SLC6A3: variants seen among roughly 807,000 people sequenced by gnomAD.
SLC6A3 encodes sodium-dependent dopamine transporter.
Under a neutral mutation model 70.4 loss-of-function variants are expected in SLC6A3, and 19 were observed. The ratio of observed to expected loss-of-function variants is 0.27; its 90% CI spans 0.19 to 0.40. SLC6A3 has a LOEUF of 0.40. Ranked by LOEUF, SLC6A3 falls within the 10% of genes least tolerant of loss-of-function variation. SLC6A3 has a pLI of 1.00. For synonymous variants in SLC6A3, 368 were observed against 356.6 expected (o/e 1.03, Z -0.36); for missense variants, 613 against 838.5 (o/e 0.73, Z 3.32).
In SLC6A3 at chr5:1,405,058, C is replaced by G. The variant is rs972060647; in HGVS notation, c.1599+1130G>C. ...GGGCTTCCTCACTTTCCCCTCTGAA[C>G]AGCCATGTAGTCTGTGTGCTATTAA... On this transcript the variant is annotated intron_variant, in intron 12 of 14. Coordinates refer to ENST00000270349, the MANE Select transcript of SLC6A3 (RefSeq NM_001044.5). The surrounding 1 kb of genome is among the most constrained non-coding windows in gnomAD (Gnocchi z 5.3). Among the ~76,000 whole-genome samples, 1 of 152,210 alleles carries G rather than the reference C, an allele frequency of 6.6e-6. No individual in the cohort carries two copies. The highest frequency in any genetic ancestry group is 2.4e-5 in the African/African-American group (1 of 41,444).
rs768211541 is a variant in SLC6A3, at chr5:1,443,067, C to A, written c.131G>T (p.Ser44Ile). ...VKEQNGVQLT[S>I]STLTNPRQSP... ...CTGCCGCGGGTTGGTGAGGGTGGAG[C>A]TGGTGAGCTGCACTCCGTTCTGCTC... Residue 44 changes from serine (S) to isoleucine (I), a missense_variant, in exon 2 of 15, where the codon AGC (serine) becomes ATC (isoleucine). Ser to Ile is a moderately radical substitution (Grantham distance 142). Transcript: ENST00000270349. 17 of 1,614,122 alleles carry A rather than the reference C, an allele frequency of 1.1e-5. No individual in the cohort carries two copies. The highest frequency in any genetic ancestry group is 1.4e-5 in the Non-Finnish European group (16 of 1,180,048).
In SLC6A3 at chr5:1,401,875, G is replaced by T. The variant is rs1482641080; in HGVS notation, c.1768-889C>A. Among the ~76,000 whole-genome samples, 1 of 152,184 alleles carries T rather than the reference G, an allele frequency of 6.6e-6. No homozygotes were observed. Among genetic ancestry groups the T allele is most frequent in the Non-Finnish European group, 1.5e-5 (1 of 68,028 alleles). The stretch of plus-strand genomic sequence containing the variant: ...GGTCCTGGCAGGTCAGCCCGTGGGG[G>T]TCTGAGAGGGACTGTCCACAGCAGG... On this transcript the variant is annotated intron_variant, in intron 13 of 14. Transcript: ENST00000270349. This position sits in a 1 kb window ranked among gnomAD's most constrained non-coding sequence, Gnocchi z 6.1.
At chr5:1,409,966 C>T in intron 9 of SLC6A3, 117 bp from the exon 10 acceptor site, 2 of 1,329,018 alleles carry the variant, frequency 1.5e-6, no homozygotes, top group Non-Finnish European at 2.1e-6. Flanking sequence ...GGAACAGGGG[C>T]CACATGGCCG....
At chr5:1,399,749 C>T (rs1421446929) in intron 14 of SLC6A3, among the ~76,000 whole-genome samples, 1 of 152,190 alleles carries the variant, frequency 6.6e-6, no homozygotes, top group Non-Finnish European at 1.5e-5. Flanking sequence ...CGGAGGGAGG[C>T]AGAGCCCACA....
At chr5:1,410,786 G>A (rs1403449990) in intron 9 of SLC6A3, among the ~76,000 whole-genome samples, 2 of 152,126 alleles carry the variant, frequency 1.3e-5, no homozygotes, top group African/African-American at 2.4e-5. Context: ...CCTGCTACAC[G>A]TGCATGCATG....
intron 4 of SLC6A3, among the ~76,000 whole-genome samples, chr5:1,430,257 G>T (rs545304923): frequency 2.6e-5 from 4 of 151,984 alleles, no homozygotes; most frequent in Non-Finnish European, 5.9e-5. Context: ...GTCCTCCTCA[G>T]AGTTCGTCAC....
Position 1,401,696 on chromosome 5 carries a change from G to A in SLC6A3, c.1768-710C>T, listed in dbSNP as rs551244269. ...GCTTACGTTCAGAGTTTGGCCATGC[G>A]AGGGGTAAGGGCGCTGGCTGTTCAG... On this transcript the variant is annotated intron_variant, in intron 13 of 14. Coordinates refer to ENST00000270349, the MANE Select transcript of SLC6A3 (RefSeq NM_001044.5). This position sits in a 1 kb window ranked among gnomAD's most constrained non-coding sequence, Gnocchi z 6.1. Among the ~76,000 whole-genome samples the A allele has an allele frequency of 1.1e-4, 17 of 151,988 alleles. No individual in the cohort carries two copies. Among genetic ancestry groups the A allele is most frequent in the Non-Finnish European group, 1.6e-4 (11 of 68,016 alleles).
intron 8 of SLC6A3, 149 bp downstream of exon 8, chr5:1,414,542 C>T (rs1422671909): frequency 6.0e-6 from 4 of 664,114 alleles, no homozygotes; most frequent in African/African-American, 5.3e-5. Flanking sequence ...GGATGTGTAC[C>T]ACCATCCTTC....
chr5:1,412,530 C>A (rs27048), intron 8 of SLC6A3, among the ~76,000 whole-genome samples: 1 of 152,084 alleles, frequency 6.6e-6, no homozygotes, highest in Non-Finnish European at 1.5e-5. Context: ...CAGGCAGACT[C>A]GGATGGAGGT....
At chr5:1,414,593 C>T in intron 8 of SLC6A3, 98 bp downstream of exon 8, 2 of 1,399,650 alleles carry the variant, frequency 1.4e-6, no homozygotes, top group Non-Finnish European at 2.0e-6. Flanking sequence ...GCTCAGGGCC[C>T]ATGCGTCTCC....
At chr5:1,418,175 G>C (rs918481517) in intron 6 of SLC6A3, among the ~76,000 whole-genome samples, 1 of 152,136 alleles carries the variant, frequency 6.6e-6, no homozygotes, top group Admixed American at 6.5e-5. Context: ...GGTAGCTGCA[G>C]GCTGGATCAG....
rs1560925900 is a variant in SLC6A3 at position 1,437,614 on chromosome 5, G to T, written c.418+3745C>A. 6.6e-6 allele frequency among the ~76,000 whole-genome samples: 1 copy of T among 152,256 alleles called. No individual in the cohort carries two copies. Among genetic ancestry groups the T allele is most frequent in the Non-Finnish European group, 1.5e-5 (1 of 68,042 alleles). On this transcript the variant is annotated intron_variant, in intron 3 of 14. Transcript: ENST00000270349. This position sits in a 1 kb window ranked among gnomAD's most constrained non-coding sequence, Gnocchi z 4.8. ...CCAAGCTGCTCTGGTGAGACTACGG[G>T]AAATGCACGTGAGTCATGGCTGCTG...
rs1424642013 is a variant in SLC6A3 at position 1,421,778 on chromosome 5, CA to C, written c.792+97del. Reference sequence around the variant, plus strand: ...ATGGCCACATTGGTAGCACAAAACCCAACTGAGGCCACACGTGCACCTCCTG... The same window carrying C: ...ATGGCCACATTGGTAGCACAAAACCCACTGAGGCCACACGTGCACCTCCTG... On this transcript the variant is annotated intron_variant, in intron 5 of 14. Coordinates refer to ENST00000270349, the MANE Select transcript of SLC6A3 (RefSeq NM_001044.5). This position sits in a 1 kb window ranked among gnomAD's most constrained non-coding sequence, Gnocchi z 7.2. 5.1e-6 allele frequency: 7 copies of C among 1,381,276 alleles called. No homozygotes were observed. Among genetic ancestry groups the C allele is most frequent in the Non-Finnish European group, 6.2e-6 (6 of 975,212 alleles). 85.6% of individuals were successfully genotyped at this position (1,381,276 alleles called of 1,614,324 possible).
chr5:1,440,710 A>C (rs1458109103), intron 3 of SLC6A3, among the ~76,000 whole-genome samples: 1 of 152,226 alleles, frequency 6.6e-6, no homozygotes, highest in Non-Finnish European at 1.5e-5. Flanking sequence ...TATGCATAGA[A>C]GCAAGAAGTA....
chr5:1,429,187 T>C (rs573083926), intron 4 of SLC6A3, among the ~76,000 whole-genome samples: 20 of 152,338 alleles, frequency 1.3e-4, no homozygotes, highest in African/African-American at 4.6e-4. Context: ...GAGTACGTTA[T>C]GACTGTCCTC....
At chr5:1,444,253 C>T (rs956117149) in intron 1 of SLC6A3, among the ~76,000 whole-genome samples, 1 of 152,166 alleles carries the variant, frequency 6.6e-6, no homozygotes, top group Non-Finnish European at 1.5e-5. Flanking sequence ...ATAAACCCCC[C>T]TGCAACGCTG....
At chr5:1,409,173 G>A in intron 10 of SLC6A3, 48 bp from the exon 11 acceptor site, 1 of 1,326,110 alleles carries the variant, frequency 7.5e-7, no homozygotes, top group Non-Finnish European at 1.1e-6. Flanking sequence ...TTTCCCCAGA[G>A]GTAAACCCAG....
In SLC6A3 at chr5:1,393,582, T is replaced by C. The variant is rs1042489451; in HGVS notation, c.*1153A>G. On this transcript the variant is annotated 3_prime_UTR_variant, in exon 15 of 15. Transcript: ENST00000270349. ...GAGTGTGGTCTGCAGGCTGCCTGCA[T>C]GGGGGCCCTGCATGCGTCCTGGGGT... The C allele has an allele frequency of 6.5e-6, 1 of 153,932 alleles. No individual in the cohort carries two copies. Among genetic ancestry groups the C allele is most frequent in the African/African-American group, 2.4e-5 (1 of 41,298 alleles). 9.5% of individuals were successfully genotyped at this position (153,932 alleles called of 1,614,324 possible). A position where few individuals can be genotyped will look rare whatever the true frequency, so the allele number is the denominator to read the frequency against.
chr5:1,410,033 G>A (rs561650264), intron 9 of SLC6A3, among the ~76,000 whole-genome samples, 184 bp from the exon 10 acceptor site: 16 of 152,336 alleles, frequency 1.1e-4, no homozygotes, highest in African/African-American at 2.9e-4. Flanking sequence ...CTTCTATGGC[G>A]GCACGACCGC....
Sources: allele counts gnomAD v4.1 joint callset (sites outside exome capture counted in the v4.1 genomes callset), GRCh38; gene constraint gnomAD v4.1.1; non-coding constraint Gnocchi (gnomAD v3.1); transcripts MANE v1.5; gene names NCBI Gene and HGNC (gene_info 2026-07-23, HGNC 2026-07-21).